Variants in HTRA1 observed in about 807,000 individuals in gnomAD.
The protein encoded by HTRA1 is serine protease HTRA1.
Under a neutral mutation model 49.7 loss-of-function variants are expected in HTRA1, and 26 were observed. That is an observed-to-expected ratio of 0.52 (90% confidence interval 0.38 to 0.73). HTRA1 has a LOEUF of 0.73. Among genes scored for constraint, HTRA1 ranks in the 30% least tolerant of loss-of-function variants. The pLI, the probability that HTRA1 is intolerant of heterozygous loss-of-function variation, is 0.00. For missense variants in HTRA1, 561 were observed against 667.2 expected (o/e 0.84, Z 1.75); for synonymous variants, 291 against 286.9 (o/e 1.01, Z -0.14).
At chr10:122,466,409 C>T (rs1013468503) in intron 1 of HTRA1, among the ~76,000 whole-genome samples, 1 of 152,194 alleles carries the variant, frequency 6.6e-6, no homozygotes, top group Admixed American at 6.5e-5. Context: ...CCTTGTGATC[C>T]GCCCGCTTTG....
chr10:122,476,097 C>T (rs1282245984), intron 1 of HTRA1, among the ~76,000 whole-genome samples: 1 of 152,226 alleles, frequency 6.6e-6, no homozygotes, highest in Non-Finnish European at 1.5e-5. Context: ...CTTCATGCCT[C>T]ACTGGCCATT....
At chr10:122,511,687 C>T (rs909634410) in intron 7 of HTRA1, among the ~76,000 whole-genome samples, 2 of 150,198 alleles carry the variant, frequency 1.3e-5, no homozygotes, top group East Asian at 3.9e-4. Context: ...GAACTGAGAT[C>T]GTACCACTGC....
intron 1 of HTRA1, among the ~76,000 whole-genome samples, chr10:122,477,535 C>T (rs982443415): frequency 6.6e-6 from 1 of 152,214 alleles, no homozygotes; most frequent in Non-Finnish European, 1.5e-5. Flanking sequence ...TCCCAGACTT[C>T]ACTGAGCCAT....
chr10:122,511,786 CT>C (rs1228229397), intron 7 of HTRA1, among the ~76,000 whole-genome samples, 183 bp from the exon 8 acceptor site: 2 of 151,864 alleles, frequency 1.3e-5, no homozygotes, highest in Admixed American at 6.6e-5. Flanking sequence ...ACTTTCCTTG[CT>C]GTTACCAAGT....
In HTRA1 at chr10:122,488,992, T is replaced by C. The variant is rs2097494440; in HGVS notation, c.563T>C (p.Leu188Ser). The C allele has an allele frequency of 6.2e-7, 1 of 1,613,094 alleles. No homozygotes were observed. The highest frequency in any genetic ancestry group is 1.3e-5 in the African/African-American group (1 of 74,884). The change falls in exon 2 of 9, where the codon TTG becomes TCG. Residue 188 changes from leucine to serine, a missense_variant. By Grantham distance (145) the Leu-to-Ser change is moderately radical. This residue lies in a region of HTRA1 where 271 missense variants were observed against 410.0 expected (regional missense o/e 0.66). Coordinates refer to ENST00000368984, the MANE Select transcript of HTRA1 (RefSeq NM_002775.5). ...GCCCCTGCCGTGGTTCATATCGAAT[T>C]GTTTCGCAAGTAAAGAGAGCCTTCC... Reference protein sequence around the residue: ...KIAPAVVHIELFRKLPFSKRE... With the variant: ...KIAPAVVHIESFRKLPFSKRE...
chr10:122,507,478 GTT>G, intron 5 of HTRA1, 76 bp downstream of exon 5: 1 of 416,048 alleles, frequency 2.4e-6, no homozygotes, highest in African/African-American at 8.1e-5. Flanking sequence ...TTTGTTTGTT[GTT>G]TGTTTGTTTT....
intron 1 of HTRA1, among the ~76,000 whole-genome samples, chr10:122,474,524 C>T (rs532085716): frequency 2.6e-4 from 40 of 152,288 alleles, no homozygotes; most frequent in African/African-American, 8.4e-4. Flanking sequence ...CCTCCCAGTC[C>T]GTGGCCAGAG....
intron 3 of HTRA1, among the ~76,000 whole-genome samples, chr10:122,502,658 G>T (rs2097501428): frequency 6.6e-6 from 1 of 152,114 alleles, no homozygotes; most frequent in Non-Finnish European, 1.5e-5. Flanking sequence ...TCTTCTAGAT[G>T]CCCCCTCTCT....
At chr10:122,465,400 G>A (rs2248929) in intron 1 of HTRA1, among the ~76,000 whole-genome samples, 2 of 151,936 alleles carry the variant, frequency 1.3e-5, no homozygotes, top group Non-Finnish European at 2.9e-5. Context: ...TTGATCCTCC[G>A]GACAGTCCTA....
At chr10:122,509,350 G>T (rs1478322097) in intron 6 of HTRA1, among the ~76,000 whole-genome samples, 3 of 152,212 alleles carry the variant, frequency 2.0e-5, no homozygotes, top group Non-Finnish European at 2.9e-5. Context: ...GCGACTGGAG[G>T]GGCAGCTGGT....
intron 3 of HTRA1, among the ~76,000 whole-genome samples, chr10:122,492,968 C>G (rs893092496): frequency 6.6e-6 from 1 of 152,168 alleles, no homozygotes; most frequent in Admixed American, 6.5e-5. Context: ...CTTTGTGAGT[C>G]CAGTTTAATA....
At chr10:122,462,894 G>T (rs1286291241) in intron 1 of HTRA1, among the ~76,000 whole-genome samples, 1 of 152,268 alleles carries the variant, frequency 6.6e-6, no homozygotes, top group Non-Finnish European at 1.5e-5. Context: ...GCCGCACACA[G>T]GACCTGTTCT....
At position 122,510,173 on chromosome 10, in the gene HTRA1, G is replaced by A. The variant is rs777681196; in HGVS notation, c.1178+20G>A. ...GTCCAGGTGGGTAAACAGGATGCGT[G>A]TCTGTGTCTTAAATTTTAATAAACC... On this transcript the variant is annotated intron_variant, in intron 7 of 8. Coordinates refer to ENST00000368984, the MANE Select transcript of HTRA1 (RefSeq NM_002775.5). 6.2e-7 allele frequency: 1 copy of A among 1,605,670 alleles called. No homozygotes were observed. The highest frequency in any genetic ancestry group is 8.5e-7 in the Non-Finnish European group (1 of 1,172,252).
chr10:122,508,151 A>C (rs1325398125), intron 5 of HTRA1, among the ~76,000 whole-genome samples: 4 of 152,202 alleles, frequency 2.6e-5, no homozygotes, highest in Non-Finnish European at 5.9e-5. Context: ...GCAGAGGGGC[A>C]GCTGTGCTCC....
chr10:122,461,585 A>ACTCTCCCCGGCGC lies in HTRA1; in HGVS notation c.-66_-54dup. The ACTCTCCCCGGCGC allele has an allele frequency of 1.9e-6, 2 of 1,028,530 alleles. No homozygotes were observed. Among genetic ancestry groups the ACTCTCCCCGGCGC allele is most frequent in the Non-Finnish European group, 2.6e-6 (2 of 771,798 alleles). The allele number at this position is 1,028,530 out of a possible 1,614,324, so 63.7% of individuals were successfully genotyped here. A position where few individuals can be genotyped will look rare whatever the true frequency, so the allele number is the denominator to read the frequency against. The stretch of plus-strand genomic sequence containing the variant: ...CCCGCTGCCCCCGAGGCCCTCCTGC[A>ACTCTCCCCGGCGC]CTCTCCCCGGCGCCGCTCTCCGGCC... On this transcript the variant is annotated 5_prime_UTR_variant, in exon 1 of 9. Transcript: ENST00000368984.
chr10:122,503,823 G>T (rs1183547690), intron 3 of HTRA1, among the ~76,000 whole-genome samples: 1 of 152,156 alleles, frequency 6.6e-6, no homozygotes. Flanking sequence ...TTCTGTCTTA[G>T]GGTTGCCCTT....
At chr10:122,505,043 C>T (rs1293687912) in intron 3 of HTRA1, among the ~76,000 whole-genome samples, 1 of 152,222 alleles carries the variant, frequency 6.6e-6, no homozygotes, top group Non-Finnish European at 1.5e-5. Flanking sequence ...ACAGCAAAAC[C>T]AACACCTAGA....
At chr10:122,495,917 T>C (rs985042750) in intron 3 of HTRA1, among the ~76,000 whole-genome samples, 7 of 152,344 alleles carry the variant, frequency 4.6e-5, no homozygotes, top group Non-Finnish European at 8.8e-5. Context: ...TAAAGTTTTA[T>C]TGGGACATGG....
At position 122,510,123 on chromosome 10, in the gene HTRA1, T is replaced by A. The variant is rs1232480379; in HGVS notation, c.1148T>A (p.Ile383Asn). ...AAAGCCATCACCAAGAAGAAGTATA[T>A]TGGTATCCGAATGATGTCACTCACG... Reference protein sequence around the residue: ...KGKAITKKKYIGIRMMSLTSS... With the variant: ...KGKAITKKKYNGIRMMSLTSS... Residue 383 changes from isoleucine (I) to asparagine (N), a missense_variant, in exon 7 of 9, where the codon ATT (isoleucine) becomes AAT (asparagine). Transcript: ENST00000368984. 1 of 1,614,088 alleles carries A rather than the reference T, an allele frequency of 6.2e-7. No individual in the cohort carries two copies. The highest frequency in any genetic ancestry group is 8.5e-7 in the Non-Finnish European group (1 of 1,179,940).
Sources: gnomAD v4.1 joint callset for allele counts (sites outside exome capture counted in the v4.1 genomes callset) on GRCh38, gnomAD v4.1.1 for gene constraint, gnomAD v4.1.1 regional missense constraint, MANE v1.5 for transcripts, NCBI Gene and HGNC (gene_info 2026-07-23, HGNC 2026-07-21) for gene names.